The following SMARCC1 variants were observed in gnomAD, a reference collection of about 807,000 sequenced individuals.
The protein encoded by SMARCC1 is SWI/SNF complex subunit SMARCC1.
A neutral mutation model predicts 147.4 loss-of-function variants in SMARCC1; 43 were observed. The observed-to-expected ratio is 0.29, with a 90% CI of 0.23 to 0.38. The LOEUF (loss-of-function observed/expected upper bound fraction) is 0.38. SMARCC1 is among the 10% of genes least tolerant of loss of function. The probability of loss-of-function intolerance (pLI) is 1.00; values close to 1 mark genes in which losing one functional copy is unlikely to be tolerated. For missense variants in SMARCC1, 1,119 were observed against 1,381.1 expected (o/e 0.81, Z 3.01); for synonymous variants, 495 against 484.4 (o/e 1.02, Z -0.29).
At chr3:47,731,029 T>A (rs772264288) in intron 5 of SMARCC1, among the ~76,000 whole-genome samples, 2 of 152,192 alleles carry the variant, frequency 1.3e-5, no homozygotes, top group Admixed American at 6.5e-5. Context: ...CAGTAAAAGT[T>A]TGTCACATTG....
intron 26 of SMARCC1, among the ~76,000 whole-genome samples, chr3:47,603,048 G>A (rs184267358): frequency 6.6e-6 from 1 of 152,158 alleles, no homozygotes; most frequent in Non-Finnish European, 1.5e-5. Flanking sequence ...CTAGATTTCT[G>A]TCATTTCCTT....
At chr3:47,773,543 AAAG>A (rs1306630556) in intron 1 of SMARCC1, among the ~76,000 whole-genome samples, 4 of 152,178 alleles carry the variant, frequency 2.6e-5, no homozygotes, top group Non-Finnish European at 4.4e-5. Context: ...CACAACAAGA[AAAG>A]AATAAATTAG....
intron 9 of SMARCC1, among the ~76,000 whole-genome samples, chr3:47,709,426 CTGTAATCCCAGCACT>C (rs1212035456): frequency 2.6e-5 from 4 of 152,274 alleles, no homozygotes; most frequent in African/African-American, 7.2e-5. Flanking sequence ...TGGCTCATGC[CTGTAATCCCAGCACT>C]TTGAGAGGCC....
At chr3:47,761,584 A>G (rs1291643318) in intron 2 of SMARCC1, among the ~76,000 whole-genome samples, 2 of 152,116 alleles carry the variant, frequency 1.3e-5, no homozygotes, top group African/African-American at 2.4e-5. Context: ...GACCTGATGG[A>G]TGATGACAAC....
intron 26 of SMARCC1, among the ~76,000 whole-genome samples, chr3:47,606,031 G>C (rs779595231): frequency 6.7e-5 from 10 of 149,364 alleles, no homozygotes; most frequent in East Asian, 1.9e-4. Context: ...ATTTATGATT[G>C]TGCATTATCC....
chr3:47,741,275 T>C (rs1003621639), intron 3 of SMARCC1, among the ~76,000 whole-genome samples: 1 of 151,338 alleles, frequency 6.6e-6, no homozygotes, highest in Non-Finnish European at 1.5e-5. Flanking sequence ...CCAAAGGCAA[T>C]GTCTGCACTG....
At chr3:47,761,566 C>A (rs548331350) in intron 2 of SMARCC1, among the ~76,000 whole-genome samples, 1 of 152,256 alleles carries the variant, frequency 6.6e-6, no homozygotes, top group South Asian at 2.1e-4. Context: ...TCCCTCCCTG[C>A]TAGATTGGAC....
rs576164947 is a variant in SMARCC1, at chr3:47,760,931, G to A, written c.315+11886C>T. On this transcript the variant is annotated intron_variant, in intron 2 of 27. Coordinates refer to ENST00000254480, the MANE Select transcript of SMARCC1 (RefSeq NM_003074.4). ...GCAGATCACTTGAGGTCAGTAGTTC[G>A]AGACCAGCCTAGCCAACATGGTGAA... 4.6e-5 allele frequency among the ~76,000 whole-genome samples: 7 copies of A among 152,104 alleles called. No homozygotes were observed. In the South Asian group the frequency reaches 6.2e-4, roughly 14 times the overall value.
At chr3:47,659,771 G>GGGA (rs1553680844) in intron 21 of SMARCC1, among the ~76,000 whole-genome samples, 1 of 90,062 alleles carries the variant, frequency 1.1e-5, no homozygotes, top group African/African-American at 4.2e-5. Context: ...GGGGGGGGGG[G>GGGA]CAAGAATCTG....
At chr3:47,692,075 A>T (rs2106776268) in intron 12 of SMARCC1, among the ~76,000 whole-genome samples, 1 of 152,330 alleles carries the variant, frequency 6.6e-6, no homozygotes, top group African/African-American at 2.4e-5. Context: ...CTCATTTTCT[A>T]AAAAAGATCT....
rs2033907855 is a variant in SMARCC1, at chr3:47,700,742, C to T, written c.1165+536G>A. Among the ~76,000 whole-genome samples the T allele has an allele frequency of 1.3e-5, 2 of 152,172 alleles. 1 individual carries two copies. Among genetic ancestry groups the T allele is most frequent in the South Asian group, 4.1e-4 (2 of 4,830 alleles). On this transcript the variant is annotated intron_variant, in intron 11 of 27. Coordinates refer to ENST00000254480, the MANE Select transcript of SMARCC1 (RefSeq NM_003074.4). ...GTTTCACCACATTGGCCAGGCTGGT[C>T]TTGAACTCCTAACCTCAAGTGATCT...
At chr3:47,660,444 TA>T (rs71070206) in intron 21 of SMARCC1, among the ~76,000 whole-genome samples, 288 of 67,346 alleles carry the variant, frequency 4.3e-3, no homozygotes, top group African/African-American at 0.013. Flanking sequence ...AGACTCTGTC[TA>T]AAAAAAAAAA....
chr3:47,725,101 T>C (rs886423861), intron 6 of SMARCC1, among the ~76,000 whole-genome samples: 2 of 148,616 alleles, frequency 1.3e-5, no homozygotes, highest in Admixed American at 1.3e-4. Context: ...TACTATACTG[T>C]ATATGTAAAA....
chr3:47,631,348 A>G (rs1412317640), intron 24 of SMARCC1, among the ~76,000 whole-genome samples: 5 of 152,214 alleles, frequency 3.3e-5, no homozygotes, highest in African/African-American at 4.8e-5. Flanking sequence ...TTCAAAGGAA[A>G]TATCTGTGGT....
intron 21 of SMARCC1, among the ~76,000 whole-genome samples, chr3:47,644,657 G>A (rs2033094860): frequency 6.6e-6 from 1 of 151,986 alleles, no homozygotes; most frequent in East Asian, 1.9e-4. Context: ...ACAGGTGTCA[G>A]CCACCAGGCC....
chr3:47,728,821 GA>G (rs1306535594), intron 6 of SMARCC1, among the ~76,000 whole-genome samples: 1 of 152,186 alleles, frequency 6.6e-6, no homozygotes, highest in Non-Finnish European at 1.5e-5. Context: ...TGAGTCAGGA[GA>G]ATCTCTTGAA....
chr3:47,673,995 A>G (rs899845864), intron 18 of SMARCC1, among the ~76,000 whole-genome samples: 11 of 152,086 alleles, frequency 7.2e-5, no homozygotes, highest in Non-Finnish European at 8.8e-5. Context: ...CCTTTTTTCT[A>G]TCACTCTTTA....
rs759880983 is a variant in SMARCC1, at chr3:47,781,591, G to A, written c.195+12C>T. On this transcript the variant is annotated intron_variant, in intron 1 of 27. Coordinates refer to ENST00000254480, the MANE Select transcript of SMARCC1 (RefSeq NM_003074.4). The stretch of plus-strand genomic sequence containing the variant: ...GCGTGGTCTCCCGGCCCCCACGGGC[G>A]CGCGAACCCACCTTCTTGTAGTGCT... 7.9e-6 allele frequency: 12 copies of A among 1,511,550 alleles called. No homozygotes were observed. In the South Asian group the frequency reaches 1.5e-4, roughly 19 times the overall value. 93.6% of individuals were successfully genotyped at this position (1,511,550 alleles called of 1,614,324 possible).
chr3:47,705,242 T>C (rs2033977065), intron 10 of SMARCC1, among the ~76,000 whole-genome samples: 1 of 149,712 alleles, frequency 6.7e-6, no homozygotes, highest in Non-Finnish European at 1.5e-5. Flanking sequence ...GGACAATCGC[T>C]TGAACATGGG....
Sources: gnomAD v4.1 joint callset for allele counts (sites outside exome capture counted in the v4.1 genomes callset) on GRCh38, gnomAD v4.1.1 for gene constraint, MANE v1.5 for transcripts, NCBI Gene and HGNC (gene_info 2026-07-23, HGNC 2026-07-21) for gene names.